INPP4B: variants seen among roughly 807,000 people sequenced by gnomAD.
INPP4B encodes inositol polyphosphate-4-phosphatase type II B.
Under a neutral mutation model 122.5 loss-of-function variants are expected in INPP4B, and 55 were observed. The observed-to-expected ratio is 0.45, with a 90% CI of 0.36 to 0.56. The LOEUF is 0.56. Among genes scored for constraint, INPP4B ranks in the 20% least tolerant of loss-of-function variants. The pLI is 0.00. For synonymous variants in INPP4B, 403 were observed against 388.7 expected (o/e 1.04, Z -0.43); for missense variants, 1,000 against 1,097.7 (o/e 0.91, Z 1.26).
intron 7 of INPP4B, among the ~76,000 whole-genome samples, chr4:142,379,293 G>A (rs933304236): frequency 1.3e-5 from 2 of 152,108 alleles, no homozygotes; most frequent in African/African-American, 4.8e-5. Context: ...ACATGGTATA[G>A]TGAGCAGCTG....
intron 1 of INPP4B, among the ~76,000 whole-genome samples, chr4:142,806,764 G>GAAAGA (rs1554013533): frequency 2.3e-4 from 9 of 39,096 alleles, no homozygotes; most frequent in Admixed American, 6.1e-4. Flanking sequence ...GAAGAAGAAA[G>GAAAGA]AAGAAAGAAA....
Position 142,312,517 on chromosome 4 carries a change from G to A in INPP4B, c.423+2195C>T, listed in dbSNP as rs558645158. Among the ~76,000 whole-genome samples, 23 of 152,308 alleles carry A rather than the reference G, an allele frequency of 1.5e-4. 2 individuals are homozygous for A. In the South Asian group the frequency reaches 4.8e-3, roughly 32 times the overall value. The stretch of plus-strand genomic sequence containing the variant: ...TTTGAGAATCATTGAATATGATCCA[G>A]TGCCTGAAGCTGCTGGCACTCATAG... On this transcript the variant is annotated intron_variant, in intron 8 of 25. Coordinates refer to ENST00000262992, the MANE Select transcript of INPP4B (RefSeq NM_001101669.3).
chr4:142,180,179 T>G (rs2152973981), intron 15 of INPP4B, among the ~76,000 whole-genome samples: 1 of 152,280 alleles, frequency 6.6e-6, no homozygotes, highest in East Asian at 1.9e-4. Context: ...CTCTGTAAAC[T>G]TACTAAAAAT....
At chr4:142,782,987 TC>T (rs1288275659) in intron 1 of INPP4B, among the ~76,000 whole-genome samples, 2 of 151,972 alleles carry the variant, frequency 1.3e-5, no homozygotes, top group Non-Finnish European at 2.9e-5. Context: ...CTGGATCCCT[TC>T]CTTACACCTT....
intron 21 of INPP4B, among the ~76,000 whole-genome samples, chr4:142,115,389 A>C (rs1792609014): frequency 6.6e-6 from 1 of 152,204 alleles, no homozygotes; most frequent in Admixed American, 6.5e-5. Flanking sequence ...ATGAAGGAAA[A>C]CATGTTAAGG....
At chr4:142,734,952 T>C (rs565406897) in intron 1 of INPP4B, among the ~76,000 whole-genome samples, 1 of 152,266 alleles carries the variant, frequency 6.6e-6, no homozygotes, top group Non-Finnish European at 1.5e-5. Context: ...GCCGATTTTT[T>C]AAATAATTCC....
At chr4:142,794,292 A>T (rs1281303744) in intron 1 of INPP4B, among the ~76,000 whole-genome samples, 1 of 152,028 alleles carries the variant, frequency 6.6e-6, no homozygotes, top group Non-Finnish European at 1.5e-5. Flanking sequence ...GATGGTGGAG[A>T]TTAGGGATAG....
At chr4:142,442,689 G>A (rs1219142302) in intron 3 of INPP4B, among the ~76,000 whole-genome samples, 1 of 152,098 alleles carries the variant, frequency 6.6e-6, no homozygotes, top group Non-Finnish European at 1.5e-5. Context: ...AGGTCTCAGG[G>A]CAACCAACTA....
Position 142,601,891 on chromosome 4 carries a change from C to G in INPP4B, c.-191+123948G>C, listed in dbSNP as rs756889921. Among the ~76,000 whole-genome samples the G allele has an allele frequency of 4.2e-5, 6 of 142,532 alleles. No homozygotes were observed. In the East Asian group the frequency reaches 6.4e-4, roughly 15 times the overall value. 93.5% of individuals were successfully genotyped at this position (142,532 alleles called of 152,430 possible). A position where few individuals can be genotyped will look rare whatever the true frequency, so the allele number is the denominator to read the frequency against. ...GGCTGAGGCAGGAGAATGGCGTGAA[C>G]CCGGGAGGCGGAGCTTGCAGTAAGC... On this transcript the variant is annotated intron_variant, in intron 2 of 25. Coordinates refer to ENST00000262992, the MANE Select transcript of INPP4B (RefSeq NM_001101669.3).
chr4:142,086,074 C>T lies in INPP4B; in HGVS notation c.2487+70G>A. The T allele has an allele frequency of 2.9e-6, 3 of 1,032,758 alleles. No individual in the cohort carries two copies. The East Asian group carries it at 7.2e-5, about 25-fold the overall frequency. 64.0% of individuals were successfully genotyped at this position (1,032,758 alleles called of 1,614,324 possible). A position where few individuals can be genotyped will look rare whatever the true frequency, so the allele number is the denominator to read the frequency against. On this transcript the variant is annotated intron_variant, in intron 24 of 25. Coordinates refer to ENST00000262992, the MANE Select transcript of INPP4B (RefSeq NM_001101669.3). ...CAAAGTGCAGAGGTTGGACCCTGCA[C>T]AGTAGAGAACTGATAATATTTGCTG...
intron 9 of INPP4B, chr4:142,287,417 C>T (rs1165781590): frequency 1.3e-5 from 2 of 152,152 alleles, no homozygotes; most frequent in African/African-American, 2.4e-5. Flanking sequence ...GATTATATCC[C>T]CTTTTCTATA....
intron 18 of INPP4B, among the ~76,000 whole-genome samples, chr4:142,144,812 A>G (rs1809799154): frequency 6.6e-6 from 1 of 152,136 alleles, no homozygotes; most frequent in South Asian, 2.1e-4. Context: ...TTGATGTTTT[A>G]TATAATTAAA....
At chr4:142,367,725 A>C (rs1788100880) in intron 7 of INPP4B, among the ~76,000 whole-genome samples, 1 of 152,130 alleles carries the variant, frequency 6.6e-6, no homozygotes, top group Non-Finnish European at 1.5e-5. Context: ...TGCCAGACTC[A>C]AAGTTTGAGA....
At chr4:142,255,136 T>G (rs996988338) in intron 11 of INPP4B, among the ~76,000 whole-genome samples, 2 of 151,538 alleles carry the variant, frequency 1.3e-5, no homozygotes, top group African/African-American at 4.9e-5. Flanking sequence ...ATAAAATACT[T>G]TACAGACAAG....
At chr4:142,165,659 T>C (rs1208424507) in intron 16 of INPP4B, among the ~76,000 whole-genome samples, 2 of 151,788 alleles carry the variant, frequency 1.3e-5, no homozygotes, top group Non-Finnish European at 2.9e-5. Context: ...AAAGATGACC[T>C]TCATAAAATA....
At chr4:142,538,486 A>G (rs958048524) in intron 2 of INPP4B, among the ~76,000 whole-genome samples, 2 of 152,146 alleles carry the variant, frequency 1.3e-5, no homozygotes, top group African/African-American at 4.8e-5. Flanking sequence ...TACTTCAACC[A>G]TAATATTTTA....
At chr4:142,063,359 T>C (rs924003231) in intron 25 of INPP4B, among the ~76,000 whole-genome samples, 3 of 152,186 alleles carry the variant, frequency 2.0e-5, no homozygotes, top group Admixed American at 1.3e-4. Flanking sequence ...AGTTCACACA[T>C]GCTTTTTACC....
intron 9 of INPP4B, among the ~76,000 whole-genome samples, chr4:142,296,652 T>A (rs1319824089): frequency 6.6e-6 from 1 of 152,216 alleles, no homozygotes; most frequent in East Asian, 1.9e-4. Flanking sequence ...ACAGATAAGA[T>A]AACTTAGTCT....
At chr4:142,731,902 C>T (rs577578417) in intron 1 of INPP4B, among the ~76,000 whole-genome samples, 6 of 152,238 alleles carry the variant, frequency 3.9e-5, no homozygotes, top group Admixed American at 3.9e-4. Flanking sequence ...TACCTGGTAT[C>T]CAGGAGCAAT....
Sources: allele counts gnomAD v4.1 joint callset (sites outside exome capture counted in the v4.1 genomes callset), GRCh38; gene constraint gnomAD v4.1.1; transcripts MANE v1.5; gene names NCBI Gene and HGNC (gene_info 2026-07-23, HGNC 2026-07-21).